Variants in LOC400499 observed in about 807,000 individuals in gnomAD.
At chr16:11,400,719 G>A in the LOC400499 span, among the ~76,000 whole-genome samples, 1 of 152,164 alleles carries the variant, frequency 6.6e-6, no homozygotes, top group Non-Finnish European at 1.5e-5. Context: ...GGGATTACAG[G>A]CATGAGCCAC....
chr16:11,500,511 A>AAATAGTAATAATAATAATAAT, the LOC400499 span, among the ~76,000 whole-genome samples: 3 of 143,882 alleles, frequency 2.1e-5, no homozygotes, highest in Admixed American at 7.1e-5. Flanking sequence ...ACTCCGTCCT[A>AAATAGTAATAATAATAATAAT]AATAATAATA....
chr16:11,472,058 T>C, the LOC400499 span: 1 of 375,824 alleles, frequency 2.7e-6, no homozygotes, highest in Non-Finnish European at 4.7e-6. Context: ...CATTATGGGA[T>C]GTTTCGCTGA....
At chr16:11,384,955 G>A in the LOC400499 span, 62 of 1,232,180 alleles carry the variant, frequency 5.0e-5, no homozygotes, top group South Asian at 4.9e-4. Context: ...CAGACACCCC[G>A]TCCTCGCTGG....
chr16:11,501,923 T>A, the LOC400499 span, among the ~76,000 whole-genome samples: 3,516 of 152,128 alleles, frequency 0.023, 137 homozygotes, highest in African/African-American at 0.08. Context: ...TGGCGCACAT[T>A]CTCAGACTGA....
chr16:11,411,705 T>C, the LOC400499 span, among the ~76,000 whole-genome samples: 127 of 152,166 alleles, frequency 8.3e-4, no homozygotes, highest in African/African-American at 2.9e-3. Flanking sequence ...TCAATGAGCT[T>C]TCTTGGGTTG....
At chr16:11,401,615 C>T in the LOC400499 span, among the ~76,000 whole-genome samples, 2,149 of 152,312 alleles carry the variant, frequency 0.014, 42 homozygotes, top group African/African-American at 0.048. Context: ...GCAGATGGAG[C>T]GAACACAGGA....
At chr16:11,482,948 G>A in the LOC400499 span, among the ~76,000 whole-genome samples, 2 of 148,582 alleles carry the variant, frequency 1.3e-5, no homozygotes, top group African/African-American at 4.9e-5. Context: ...AGTATAGAAA[G>A]AATTCTCAAA....
At chr16:11,492,022 G>A in the LOC400499 span, among the ~76,000 whole-genome samples, 603 of 152,154 alleles carry the variant, frequency 4.0e-3, 1 homozygote, top group Non-Finnish European at 7.1e-3. Flanking sequence ...GAGGTAGCAG[G>A]GGTTCACTGA....
the LOC400499 span, chr16:11,385,191 G>A: frequency 8.1e-7 from 1 of 1,231,338 alleles, no homozygotes; most frequent in Non-Finnish European, 1.0e-6. Flanking sequence ...CCTACAGGCT[G>A]CCATGCCTCT....
chr16:11,388,217 C>G, the LOC400499 span, among the ~76,000 whole-genome samples: 3 of 152,134 alleles, frequency 2.0e-5, no homozygotes, highest in Non-Finnish European at 2.9e-5. Context: ...CCCCACCTAG[C>G]AGTGACAGGA....
the LOC400499 span, chr16:11,404,888 A>G: frequency 2.5e-6 from 1 of 398,868 alleles, no homozygotes; most frequent in Non-Finnish European, 4.4e-6. Context: ...TGACGGCGTC[A>G]TGGGGGAACC....
At chr16:11,512,901 G>A in the LOC400499 span, among the ~76,000 whole-genome samples, 1 of 152,142 alleles carries the variant, frequency 6.6e-6, no homozygotes, top group African/African-American at 2.4e-5. Flanking sequence ...ATGGTGCAGA[G>A]CGAAGTCGGA....
the LOC400499 span, among the ~76,000 whole-genome samples, chr16:11,507,043 C>G: frequency 6.6e-6 from 1 of 152,226 alleles, no homozygotes; most frequent in Non-Finnish European, 1.5e-5. Context: ...CCCTCTGGGG[C>G]TAGCACCGCC....
the LOC400499 span, chr16:11,508,881 T>TG: frequency 8.3e-5 from 33 of 398,874 alleles, no homozygotes; most frequent in Non-Finnish European, 1.8e-5. Flanking sequence ...GTGGATGGGA[T>TG]GACCATATGG....
the LOC400499 span, among the ~76,000 whole-genome samples, chr16:11,463,587 G>GGT: frequency 2.0e-5 from 3 of 152,166 alleles, no homozygotes; most frequent in African/African-American, 2.4e-5. Context: ...TGTGTAAAGA[G>GGT]GTGTATATAT....
the LOC400499 span, chr16:11,472,033 G>C: frequency 1.5e-5 from 6 of 387,946 alleles, no homozygotes; most frequent in Non-Finnish European, 2.3e-5. Flanking sequence ...CATCTTATTT[G>C]GGGGCTGTCC....
At chr16:11,520,162 G>A in the LOC400499 span, among the ~76,000 whole-genome samples, 5 of 152,178 alleles carry the variant, frequency 3.3e-5, no homozygotes, top group South Asian at 1.0e-3. Context: ...TAGAGATGGA[G>A]GGTGGTGATG....
At chr16:11,515,641 G>A in the LOC400499 span, among the ~76,000 whole-genome samples, 3 of 151,590 alleles carry the variant, frequency 2.0e-5, no homozygotes, top group East Asian at 5.8e-4. Flanking sequence ...AATTGGAAGA[G>A]AGGAGGTAAA....
chr16:11,451,344 C>T, the LOC400499 span, among the ~76,000 whole-genome samples: 1 of 152,140 alleles, frequency 6.6e-6, no homozygotes, highest in Non-Finnish European at 1.5e-5. Flanking sequence ...CTTTGGGAGG[C>T]CAAGGCAGGA....
Sources: gnomAD v4.1 joint callset for allele counts (sites outside exome capture counted in the v4.1 genomes callset) on GRCh38, gnomAD v4.1.1 for gene constraint, MANE v1.5 for transcripts.